NUCKS1: variants seen among roughly 807,000 people sequenced by gnomAD.
The protein encoded by NUCKS1 is nuclear casein kinase and cyclin dependent kinase substrate 1, also known as nuclear ubiquitous casein and cyclin-dependent kinase substrate 1.
A neutral mutation model predicts 33.0 loss-of-function variants in NUCKS1; 2 were observed. The observed-to-expected ratio is 0.06, with a 90% CI of 0.02 to 0.19. The LOEUF is 0.19. Ranked by LOEUF, NUCKS1 falls within the 10% of genes least tolerant of loss-of-function variation. The pLI is 1.00. For missense variants in NUCKS1, 201 were observed against 293.6 expected, an observed-to-expected ratio of 0.68 and a Z score of 2.31; for synonymous variants, 106 against 102.8, an observed-to-expected ratio of 1.03 and a Z score of -0.19.
Position 205,715,762 on chromosome 1 carries a change from T to C in NUCKS1, c.*2518A>G, listed in dbSNP as rs1284437928. ...AATACGACAGTGAATGCTATTGCCA[T>C]TTCACCATAGGCACACTAGAGAAAA... On this transcript the variant is annotated 3_prime_UTR_variant, in exon 7 of 7. Transcript: ENST00000367142. The C allele has an allele frequency of 6.6e-6, 1 of 152,206 alleles. No individual in the cohort carries two copies. The highest frequency in any genetic ancestry group is 1.5e-5 in the Non-Finnish European group (1 of 68,050). 9.4% of individuals were successfully genotyped at this position (152,206 alleles called of 1,614,324 possible). A position where few individuals can be genotyped will look rare whatever the true frequency, so the allele number is the denominator to read the frequency against.
At chr1:205,743,210 T>C (rs1454721238) in intron 1 of NUCKS1, among the ~76,000 whole-genome samples, 1 of 152,240 alleles carries the variant, frequency 6.6e-6, no homozygotes, top group South Asian at 2.1e-4. Context: ...ACCAAAAACT[T>C]TTATTCAAAA....
chr1:205,746,188 C>CT (rs1339787947), intron 1 of NUCKS1, among the ~76,000 whole-genome samples: 1 of 151,888 alleles, frequency 6.6e-6, no homozygotes, highest in Non-Finnish European at 1.5e-5. Context: ...TCCAGCTACT[C>CT]TGAGGCTGAG....
chr1:205,738,289 A>G (rs1654077022), intron 1 of NUCKS1, among the ~76,000 whole-genome samples: 1 of 151,968 alleles, frequency 6.6e-6, no homozygotes, highest in Non-Finnish European at 1.5e-5. Flanking sequence ...TGGCCTCCCA[A>G]CGTGCTAGGA....
chr1:205,749,125 G>T (rs1351395339), intron 1 of NUCKS1, among the ~76,000 whole-genome samples: 1 of 152,208 alleles, frequency 6.6e-6, no homozygotes, highest in Non-Finnish European at 1.5e-5. Flanking sequence ...ACGCGTACGC[G>T]GGTGAGAGTG....
chr1:205,741,297 CAAAAAAAAAAA>C (rs56979923), intron 1 of NUCKS1, among the ~76,000 whole-genome samples: 8 of 78,920 alleles, frequency 1.0e-4, no homozygotes, highest in Admixed American at 1.6e-4. Context: ...GAGACTGTCT[CAAAAAAAAAAA>C]AAAAAAAAAA....
At chr1:205,741,204 G>A (rs920627080) in intron 1 of NUCKS1, among the ~76,000 whole-genome samples, 3 of 127,616 alleles carry the variant, frequency 2.4e-5, no homozygotes, top group Non-Finnish European at 3.7e-5. Context: ...GGAGGCTGAG[G>A]CAGGAGAATG....
intron 1 of NUCKS1, among the ~76,000 whole-genome samples, chr1:205,739,675 C>G (rs932301469): frequency 6.6e-6 from 1 of 152,056 alleles, no homozygotes; most frequent in Non-Finnish European, 1.5e-5. Context: ...AGGTTAGTCT[C>G]AAACTCCTGA....
chr1:205,736,718 G>A (rs1215864822), intron 1 of NUCKS1, among the ~76,000 whole-genome samples: 1 of 151,742 alleles, frequency 6.6e-6, no homozygotes, highest in South Asian at 2.1e-4. Context: ...GTAATCCCAG[G>A]TACTTGGGAG....
intron 1 of NUCKS1, 131 bp downstream of exon 1, chr1:205,749,826 G>T (rs1654443880): frequency 4.1e-6 from 4 of 970,192 alleles, no homozygotes; most frequent in African/African-American, 1.7e-5. Flanking sequence ...AAGGGTGCGC[G>T]CGGGCCCCGA....
chr1:205,748,698 A>C (rs1654392767), intron 1 of NUCKS1, among the ~76,000 whole-genome samples: 1 of 152,208 alleles, frequency 6.6e-6, no homozygotes, highest in African/African-American at 2.4e-5. Context: ...ACGGTGTAGA[A>C]CAAAACCCTT....
intron 1 of NUCKS1, among the ~76,000 whole-genome samples, chr1:205,730,368 C>T (rs1272599679): frequency 1.3e-5 from 2 of 151,686 alleles, no homozygotes; most frequent in Non-Finnish European, 2.9e-5. Context: ...TTTAAAGGCC[C>T]CCACTTAAGC....
Position 205,720,447 on chromosome 1 carries a change from C to A in NUCKS1, c.382+54G>T. 1.9e-6 allele frequency: 3 copies of A among 1,570,110 alleles called. No homozygotes were observed. In the South Asian group the frequency reaches 3.5e-5, roughly 19 times the overall value. On this transcript the variant is annotated intron_variant, in intron 5 of 6. Transcript: ENST00000367142. ...TAGAAAATGCCAAAGTAACCAAGGT[C>A]ACAAACTACAATTATGACCAAACAA... is the stretch of plus-strand genomic sequence containing the variant.
chr1:205,725,864 G>A (rs1653757899), intron 3 of NUCKS1, among the ~76,000 whole-genome samples: 2 of 152,174 alleles, frequency 1.3e-5, no homozygotes, highest in Non-Finnish European at 2.9e-5. Flanking sequence ...GGAGAAATAA[G>A]ATAATGAATA....
intron 1 of NUCKS1, among the ~76,000 whole-genome samples, chr1:205,734,153 A>T (rs535559972): frequency 6.6e-6 from 1 of 152,108 alleles, no homozygotes; most frequent in Non-Finnish European, 1.5e-5. Context: ...TGCTGGGATT[A>T]CAGGTGTGAG....
chr1:205,748,965 C>G (rs2102453066), intron 1 of NUCKS1, among the ~76,000 whole-genome samples: 1 of 152,262 alleles, frequency 6.6e-6, no homozygotes, highest in South Asian at 2.1e-4. Context: ...CATACAATAG[C>G]CTGGAGAATG....
Position 205,750,060 on chromosome 1 carries a change from C to T in NUCKS1, c.-87G>A. ...CGCTCGGCGCCCCACCCCCCCCGAACTTCAGCCGATGGGACCGCTGCTGCC... is the reference window on the plus strand; with the variant it reads ...CGCTCGGCGCCCCACCCCCCCCGAATTTCAGCCGATGGGACCGCTGCTGCC... On this transcript the variant is annotated 5_prime_UTR_variant, in exon 1 of 7. Transcript: ENST00000367142. 2 of 1,253,292 alleles carry T rather than the reference C, an allele frequency of 1.6e-6. No individual in the cohort carries two copies. Among genetic ancestry groups the T allele is most frequent in the African/African-American group, 1.7e-5 (1 of 60,114 alleles). 77.6% of individuals were successfully genotyped at this position (1,253,292 alleles called of 1,614,324 possible).
chr1:205,741,671 A>T (rs1178183666), intron 1 of NUCKS1, among the ~76,000 whole-genome samples: 1 of 152,220 alleles, frequency 6.6e-6, no homozygotes, highest in Non-Finnish European at 1.5e-5. Flanking sequence ...AAATTACAGA[A>T]TTTTGGAGAA....
chr1:205,749,909 G>T lies in NUCKS1; in HGVS notation c.17+48C>A, dbSNP rs768303888. ...CTGTCCCCCACTCTTTTCACCACTC[G>T]CCCCCATCCCCCTCCAACCCGCTCC... On this transcript the variant is annotated intron_variant, in intron 1 of 6. Coordinates refer to ENST00000367142, the MANE Select transcript of NUCKS1 (RefSeq NM_022731.5). 9 of 1,577,062 alleles carry T rather than the reference G, an allele frequency of 5.7e-6. No individual in the cohort carries two copies. The South Asian group carries it at 7.9e-5, about 14-fold the overall frequency.
chr1:205,723,548 C>T (rs1671956622), intron 4 of NUCKS1, among the ~76,000 whole-genome samples: 1 of 151,844 alleles, frequency 6.6e-6, no homozygotes, highest in Admixed American at 6.6e-5. Flanking sequence ...CTTTTTATGC[C>T]CCTATTTTAC....
Sources: gnomAD v4.1 joint callset for allele counts (sites outside exome capture counted in the v4.1 genomes callset) on GRCh38, gnomAD v4.1.1 for gene constraint, MANE v1.5 for transcripts, NCBI Gene and HGNC (gene_info 2026-07-23, HGNC 2026-07-21) for gene names.